PCDHGA3: variants seen among roughly 807,000 people sequenced by gnomAD.
The protein encoded by PCDHGA3 is protocadherin gamma-A3.
In PCDHGA3, 40 loss-of-function variants were observed where a neutral mutation model predicts 58.5. The observed-to-expected ratio is 0.68, with a 90% CI of 0.53 to 0.89. PCDHGA3 has a LOEUF of 0.89. Among genes scored for constraint, PCDHGA3 ranks in the 40% least tolerant of loss-of-function variants. PCDHGA3 has a pLI of 0.00. For missense variants in PCDHGA3, 1,223 were observed against 1,195.9 expected, an observed-to-expected ratio of 1.02 and a Z score of -0.33; for synonymous variants, 530 against 525.7, an observed-to-expected ratio of 1.01 and a Z score of -0.11.
intron 1 of PCDHGA3, among the ~76,000 whole-genome samples, chr5:141,488,675 T>C (rs888235928): frequency 2.6e-5 from 4 of 152,116 alleles, no homozygotes; most frequent in Admixed American, 1.3e-4. Flanking sequence ...TACATGGGCT[T>C]TGCCTCTCCC....
At chr5:141,436,467 A>G (rs2097825090) in intron 1 of PCDHGA3, among the ~76,000 whole-genome samples, 1 of 152,216 alleles carries the variant, frequency 6.6e-6, no homozygotes, top group South Asian at 2.1e-4. Flanking sequence ...GAATTTTCAG[A>G]TGTATCATAG....
At chr5:141,450,832 T>TTA (rs764784095) in intron 1 of PCDHGA3, among the ~76,000 whole-genome samples, 6,304 of 142,274 alleles carry the variant, frequency 0.044, 222 homozygotes, top group African/African-American at 0.11. Context: ...TATTATTATT[T>TTA]TTTTTTTTTT....
chr5:141,422,087 G>A, intron 1 of PCDHGA3: 6 of 1,611,966 alleles, frequency 3.7e-6, no homozygotes, highest in Non-Finnish European at 5.1e-6. Context: ...AACATGGAAA[G>A]CAAGGCTTCT....
intron 1 of PCDHGA3, chr5:141,404,726 G>A (rs772532099): frequency 6.2e-7 from 1 of 1,614,094 alleles, no homozygotes; most frequent in Admixed American, 1.7e-5. Context: ...GACCAAGGTG[G>A]TGGCAGTGGA....
chr5:141,480,224 T>G (rs2099514647), intron 1 of PCDHGA3, among the ~76,000 whole-genome samples: 1 of 146,584 alleles, frequency 6.8e-6, no homozygotes, highest in Non-Finnish European at 1.5e-5. Context: ...AGCGACATAG[T>G]GAGATCCTGT....
chr5:141,438,576 A>C (rs1016175176), intron 1 of PCDHGA3, among the ~76,000 whole-genome samples: 4 of 55,572 alleles, frequency 7.2e-5, no homozygotes, highest in Non-Finnish European at 1.2e-4. Context: ...TCTGATATAC[A>C]TACATACATA....
chr5:141,511,117 G>A lies in PCDHGA3; in HGVS notation c.2743G>A (p.Ala915Thr). Residue 915 changes from alanine to threonine, a missense_variant, in exon 4 of 4, where the codon GCC becomes ACC. Physicochemically the swap from Ala to Thr is moderately conservative, Grantham distance 58. Around this residue, in one of 3 missense-constraint regions of PCDHGA3, gnomAD observed 325 missense variants for 327.5 expected, o/e 0.99. Coordinates refer to ENST00000253812, the MANE Select transcript of PCDHGA3 (RefSeq NM_018916.4). ...TNAAGKRDGK[A>T]PAGGNGNKKK... ...CGCAGCTGGCAAGCGGGATGGCAAG[G>A]CCCCAGCAGGTGGCAATGGCAACAA... 6.2e-7 allele frequency: 1 copy of A among 1,614,216 alleles called. No homozygotes were observed. Among genetic ancestry groups the A allele is most frequent in the Non-Finnish European group, 8.5e-7 (1 of 1,180,026 alleles).
At chr5:141,451,180 T>C (rs1318435826) in intron 1 of PCDHGA3, among the ~76,000 whole-genome samples, 4 of 152,180 alleles carry the variant, frequency 2.6e-5, no homozygotes, top group Non-Finnish European at 4.4e-5. Flanking sequence ...ATTTAGCCAT[T>C]GCTGTGTAAC....
chr5:141,447,164 G>T (rs2098528799), intron 1 of PCDHGA3, among the ~76,000 whole-genome samples: 1 of 151,766 alleles, frequency 6.6e-6, no homozygotes, highest in South Asian at 2.1e-4. Context: ...GTTTAAGCGG[G>T]GTCTTGCTCT....
intron 1 of PCDHGA3, among the ~76,000 whole-genome samples, chr5:141,429,564 C>A (rs995466828): frequency 2.0e-5 from 3 of 152,092 alleles, no homozygotes; most frequent in African/African-American, 7.2e-5. Flanking sequence ...TGATAATATT[C>A]AGTTACATTT....
intron 3 of PCDHGA3, 85 bp from the exon 4 acceptor site, chr5:141,510,862 C>A: frequency 6.2e-7 from 1 of 1,606,772 alleles, no homozygotes. Context: ...GCTGTATAGG[C>A]ATTCATTAAC....
rs1760008721 is a variant in PCDHGA3 at position 141,355,838 on chromosome 5, C to CGGCCT, written c.2424+9382_2424+9386dup. On this transcript the variant is annotated intron_variant, in intron 1 of 3. Transcript: ENST00000253812. ...GAGGCGGTTCACCACCTCGTTCTCA[C>CGGCCT]GGCCTTCGATGGAGGTGACCCGGTT... is the stretch of plus-strand genomic sequence containing the variant. 2.5e-6 allele frequency: 4 copies of CGGCCT among 1,611,996 alleles called. No individual in the cohort carries two copies. In the South Asian group the frequency reaches 4.4e-5, roughly 18 times the overall value.
At chr5:141,469,468 G>A (rs62379200) in intron 1 of PCDHGA3, among the ~76,000 whole-genome samples, 32,669 of 151,998 alleles carry the variant, frequency 0.21, 3,638 homozygotes, top group African/African-American at 0.27. Context: ...TCAGCTACTC[G>A]GGAGGCTGAG....
At chr5:141,384,391 G>C (rs759810331) in intron 1 of PCDHGA3, 24 of 1,613,920 alleles carry the variant, frequency 1.5e-5, no homozygotes, top group Non-Finnish European at 2.0e-5. Flanking sequence ...CACCATCCAG[G>C]GGGCTCCAGT....
In PCDHGA3 at chr5:141,509,418, A is replaced by G. The variant is rs767758113; in HGVS notation, c.2573-1529A>G. Among the ~76,000 whole-genome samples the G allele has an allele frequency of 2.6e-5, 4 of 152,188 alleles. No individual in the cohort carries two copies. The South Asian group carries it at 6.2e-4, about 24-fold the overall frequency. ...TCAGGGCCTCCAGCAGCGAGCCCCA[A>G]TGAGTCAAACTCTTGTTTCCTCCTC... On this transcript the variant is annotated intron_variant, in intron 3 of 3. Transcript: ENST00000253812.
At chr5:141,359,059 A>G (rs1447770153) in intron 1 of PCDHGA3, among the ~76,000 whole-genome samples, 1 of 152,256 alleles carries the variant, frequency 6.6e-6, no homozygotes, top group South Asian at 2.1e-4. Flanking sequence ...ATATGCCTCA[A>G]TTTGACTTAC....
At chr5:141,357,758 A>G (rs1450092651) in intron 1 of PCDHGA3, 1 of 1,041,576 alleles carries the variant, frequency 9.6e-7, no homozygotes, top group South Asian at 1.7e-5. Context: ...AAACTGGTGG[A>G]TGACCTTCCA....
At chr5:141,452,966 G>T (rs996204633) in intron 1 of PCDHGA3, among the ~76,000 whole-genome samples, 6 of 152,098 alleles carry the variant, frequency 3.9e-5, no homozygotes, top group Admixed American at 1.3e-4. Context: ...TAAACTGAGG[G>T]TATATTGTCA....
chr5:141,497,110 C>T (rs964183820), intron 2 of PCDHGA3, among the ~76,000 whole-genome samples: 2 of 151,738 alleles, frequency 1.3e-5, no homozygotes, highest in African/African-American at 2.4e-5. Context: ...TGCTTGAACC[C>T]GGAAGGCAGA....
Sources: gnomAD v4.1 joint callset for allele counts (sites outside exome capture counted in the v4.1 genomes callset) on GRCh38, gnomAD v4.1.1 for gene constraint, gnomAD v4.1.1 regional missense constraint, MANE v1.5 for transcripts, NCBI Gene and HGNC (gene_info 2026-07-23, HGNC 2026-07-21) for gene names.